Variants in TUBA1A observed in about 807,000 individuals in gnomAD.
TUBA1A encodes tubulin alpha 1a, also known as tubulin alpha-1A chain.
Under a neutral mutation model 34.6 loss-of-function variants are expected in TUBA1A, and 7 were observed. The observed-to-expected ratio is 0.20, with a 90% CI of 0.11 to 0.38. TUBA1A has a LOEUF of 0.38. Among genes scored for constraint, TUBA1A ranks in the 10% least tolerant of loss-of-function variants. The pLI, the probability that TUBA1A is intolerant of heterozygous loss-of-function variation, is 1.00. For missense variants in TUBA1A, 19 were observed against 581.3 expected, an observed-to-expected ratio of 0.03 and a Z score of 9.95; for synonymous variants, 193 against 210.2, an observed-to-expected ratio of 0.92 and a Z score of 0.71.
Position 49,188,481 on chromosome 12 carries a change from C to A in TUBA1A, c.3+496G>T. 1 of 1,534,904 alleles carries A rather than the reference C, an allele frequency of 6.5e-7. No individual in the cohort carries two copies. Among genetic ancestry groups the A allele is most frequent in the Non-Finnish European group, 8.7e-7 (1 of 1,146,074 alleles). Reference sequence around the variant, plus strand: ...CCAAAGACCGCGGAGGGTCTTCCCACGCTAACCCTAGGCTGCGCTTTGTTC... The same window carrying A: ...CCAAAGACCGCGGAGGGTCTTCCCAAGCTAACCCTAGGCTGCGCTTTGTTC... On this transcript the variant is annotated intron_variant, in intron 1 of 3. Coordinates refer to ENST00000301071, the MANE Select transcript of TUBA1A (RefSeq NM_006009.4). The surrounding 1 kb of genome is among the most constrained non-coding windows in gnomAD (Gnocchi z 4.9).
chr12:49,187,625 A>C (rs1293897453), intron 1 of TUBA1A: 16 of 984,692 alleles, frequency 1.6e-5, no homozygotes, highest in South Asian at 4.7e-5. Context: ...AGGTTTTTCC[A>C]GATCTTCTCC....
At chr12:49,187,667 A>AACAC in intron 1 of TUBA1A, 2 of 983,422 alleles carry the variant, frequency 2.0e-6, no homozygotes, top group Non-Finnish European at 2.4e-6. Flanking sequence ...TCCGTATCTT[A>AACAC]ACACACACAC....
At position 49,188,042 on chromosome 12, in the gene TUBA1A, A is replaced by G. The variant is rs1592261111; in HGVS notation, c.3+935T>C. ...CAGACAGACACACACACACACACAC[A>G]CACACTTCAGTCGGTCAGGGCAGGG... is the stretch of plus-strand genomic sequence containing the variant. On this transcript the variant is annotated intron_variant, in intron 1 of 3. Transcript: ENST00000301071. The surrounding 1 kb of genome is among the most constrained non-coding windows in gnomAD (Gnocchi z 4.9). The G allele has an allele frequency of 2.1e-6, 2 of 958,830 alleles. No homozygotes were observed. The highest frequency in any genetic ancestry group is 2.5e-6 in the Non-Finnish European group (2 of 808,826). The allele number at this position is 958,830 out of a possible 1,614,324, so 59.4% of individuals were successfully genotyped here. A position where few individuals can be genotyped will look rare whatever the true frequency, so the allele number is the denominator to read the frequency against.
At position 49,188,917 on chromosome 12, in the gene TUBA1A, G is replaced by A. The variant is rs1026888421; in HGVS notation, c.3+60C>T. On this transcript the variant is annotated intron_variant, in intron 1 of 3. Coordinates refer to ENST00000301071, the MANE Select transcript of TUBA1A (RefSeq NM_006009.4). The surrounding 1 kb of genome is among the most constrained non-coding windows in gnomAD (Gnocchi z 4.9). ...AGAAAAGAGCTTAAAGGTTTTCCAA[G>A]TAGAGCCTGGGGGCGCTGACTCCAC... 1.9e-6 allele frequency: 3 copies of A among 1,614,124 alleles called. No homozygotes were observed. Among genetic ancestry groups the A allele is most frequent in the South Asian group, 1.1e-5 (1 of 91,086 alleles).
Position 49,186,893 on chromosome 12 carries a change from T to C in TUBA1A, c.4-60A>G, listed in dbSNP as rs1031552613. The C allele has an allele frequency of 8.7e-6, 14 of 1,605,114 alleles. No individual in the cohort carries two copies. The highest frequency in any genetic ancestry group is 8.5e-5 in the Admixed American group (5 of 58,906). On this transcript the variant is annotated intron_variant, in intron 1 of 3. Coordinates refer to ENST00000301071, the MANE Select transcript of TUBA1A (RefSeq NM_006009.4). The surrounding 1 kb of genome is among the most constrained non-coding windows in gnomAD (Gnocchi z 6.6). ...AAGGTGTATTAGCATTTCAAACTTA[T>C]AGGAAATTTCAAAAATATTTCTAAT...
chr12:49,185,544 A>G lies in TUBA1A; in HGVS notation c.822T>C (p.Pro274=). The part of the protein sequence containing the change: ...RIHFPLATYA[P]VISAEKAYHE... ...GGTAGGCTTTCTCAGCAGAGATGAC[A>G]GGGGCATATGTGGCCAGAGGGAAGT... The change falls in exon 4 of 4, where the codon CCT becomes CCC. Residue 274 remains proline, a synonymous_variant. Coordinates refer to ENST00000301071, the MANE Select transcript of TUBA1A (RefSeq NM_006009.4). 2 of 1,614,062 alleles carry G rather than the reference A, an allele frequency of 1.2e-6. No homozygotes were observed. The highest frequency in any genetic ancestry group is 1.7e-6 in the Non-Finnish European group (2 of 1,180,004).
intron 1 of TUBA1A, chr12:49,187,088 G>C: frequency 7.4e-7 from 1 of 1,360,528 alleles, no homozygotes; most frequent in Non-Finnish European, 9.4e-7. Flanking sequence ...TACCATGCTT[G>C]AATAGAAGAT....
chr12:49,185,547 G>T lies in TUBA1A; in HGVS notation c.819C>A (p.Ala273=). The part of the protein sequence containing the change: ...PRIHFPLATY[A]PVISAEKAYH... ...AGGCTTTCTCAGCAGAGATGACAGG[G>T]GCATATGTGGCCAGAGGGAAGTGGA... The change falls in exon 4 of 4, where the codon GCC becomes GCA. Residue 273 remains alanine, a synonymous_variant. Coordinates refer to ENST00000301071, the MANE Select transcript of TUBA1A (RefSeq NM_006009.4). The T allele has an allele frequency of 6.2e-7, 1 of 1,614,000 alleles. No homozygotes were observed. Among genetic ancestry groups the T allele is most frequent in the Non-Finnish European group, 8.5e-7 (1 of 1,179,998 alleles).
rs1592260031 is a variant in TUBA1A at position 49,186,001 on chromosome 12, A to C, written c.376-11T>G. On this transcript the variant is annotated splice_polypyrimidine_tract_variant and intron_variant, in intron 3 of 3. Transcript: ENST00000301071. The surrounding 1 kb of genome is among the most constrained non-coding windows in gnomAD (Gnocchi z 6.6). ...CGTGCACTGGTCGGCCTATAACAAA[A>C]GAGAGGAACAGAGGAAAGGTTAAGT... The C allele has an allele frequency of 1.2e-6, 2 of 1,614,154 alleles. No individual in the cohort carries two copies. The highest frequency in any genetic ancestry group is 4.5e-5 in the East Asian group (2 of 44,892).
chr12:49,188,597 G>C lies in TUBA1A; in HGVS notation c.3+380C>G. 6.9e-7 allele frequency: 1 copy of C among 1,449,056 alleles called. No homozygotes were observed. The allele number at this position is 1,449,056 out of a possible 1,614,324, so 89.8% of individuals were successfully genotyped here. A position where few individuals can be genotyped will look rare whatever the true frequency, so the allele number is the denominator to read the frequency against. ...TCCCGGTCCCCAGAGAACAACGCGA[G>C]ACAGAAAGTGGCCCCTCAGCATCAG... On this transcript the variant is annotated intron_variant, in intron 1 of 3. Transcript: ENST00000301071. The surrounding 1 kb of genome is among the most constrained non-coding windows in gnomAD (Gnocchi z 4.9).
At chr12:49,187,742 T>A in intron 1 of TUBA1A, 3 of 983,136 alleles carry the variant, frequency 3.1e-6, no homozygotes, top group Non-Finnish European at 3.6e-6. Flanking sequence ...AAAAGCCCAG[T>A]GGAAGGATAA....
rs1327696631 is a variant in TUBA1A, at chr12:49,188,029, C to T, written c.3+948G>A. The T allele has an allele frequency of 3.9e-5, 37 of 957,860 alleles. No individual in the cohort carries two copies. The highest frequency in any genetic ancestry group is 4.5e-5 in the Non-Finnish European group (36 of 808,038). 59.3% of individuals were successfully genotyped at this position (957,860 alleles called of 1,614,324 possible). A position where few individuals can be genotyped will look rare whatever the true frequency, so the allele number is the denominator to read the frequency against. The stretch of plus-strand genomic sequence containing the variant: ...CAGTCCAGACAGACAGACAGACACA[C>T]ACACACACACACACACACTTCAGTC... On this transcript the variant is annotated intron_variant, in intron 1 of 3. Coordinates refer to ENST00000301071, the MANE Select transcript of TUBA1A (RefSeq NM_006009.4). The surrounding 1 kb of genome is among the most constrained non-coding windows in gnomAD (Gnocchi z 4.9).
intron 1 of TUBA1A, chr12:49,187,873 C>CT: frequency 3.1e-6 from 3 of 956,200 alleles, no homozygotes; most frequent in Non-Finnish European, 3.7e-6. Context: ...TTAGGGCTAC[C>CT]ACTTTCATTG....
In TUBA1A at chr12:49,188,373, C is replaced by G. The variant is rs1181623358; in HGVS notation, c.3+604G>C. On this transcript the variant is annotated intron_variant, in intron 1 of 3. Coordinates refer to ENST00000301071, the MANE Select transcript of TUBA1A (RefSeq NM_006009.4). This position sits in a 1 kb window ranked among gnomAD's most constrained non-coding sequence, Gnocchi z 4.9. ...CCAGAAACAAACAACCCCGCCCCTG[C>G]GCCGCCCTGACACCCGCTGCCGGGG... The G allele has an allele frequency of 6.5e-7, 1 of 1,535,246 alleles. No homozygotes were observed. Among genetic ancestry groups the G allele is most frequent in the Non-Finnish European group, 8.7e-7 (1 of 1,146,446 alleles).
chr12:49,187,953 A>G (rs1413338948), intron 1 of TUBA1A: 4 of 984,370 alleles, frequency 4.1e-6, no homozygotes, highest in Admixed American at 1.2e-4. Flanking sequence ...GGTCCTGACC[A>G]TCAGGGTACC....
Position 49,188,023 on chromosome 12 carries a change from GACAC to G in TUBA1A, c.3+950_3+953del, listed in dbSNP as rs58704368. ...AACGTGCAGTCCAGACAGACAGACA[GACAC>G]ACACACACACACACACACACTTCAG... is the stretch of plus-strand genomic sequence containing the variant. On this transcript the variant is annotated intron_variant, in intron 1 of 3. Transcript: ENST00000301071. This position sits in a 1 kb window ranked among gnomAD's most constrained non-coding sequence, Gnocchi z 4.9. 1,468 of 892,536 alleles carry G rather than the reference GACAC, an allele frequency of 1.6e-3. 12 individuals carry two copies. The South Asian group carries it at 0.043, about 26-fold the overall frequency. The allele number at this position is 892,536 out of a possible 1,614,324, so 55.3% of individuals were successfully genotyped here.
In TUBA1A at chr12:49,188,874, G is replaced by A. The variant is rs35896524; in HGVS notation, c.3+103C>T. 77,784 of 1,612,362 alleles carry A rather than the reference G, an allele frequency of 0.048. 2,275 individuals carry two copies. Among genetic ancestry groups the A allele is most frequent in the Non-Finnish European group, 0.058 (68,001 of 1,179,904 alleles). On this transcript the variant is annotated intron_variant, in intron 1 of 3. Transcript: ENST00000301071. The surrounding 1 kb of genome is among the most constrained non-coding windows in gnomAD (Gnocchi z 4.9). Reference sequence around the variant, plus strand: ...CCTCACAAAACATACCACCACCCTCGCCCAGAGAGCTTACGAAAGAAAAGA... The same window carrying A: ...CCTCACAAAACATACCACCACCCTCACCCAGAGAGCTTACGAAAGAAAAGA...
rs1372484474 is a variant in TUBA1A, at chr12:49,188,960, C to G, written c.3+17G>C. Reference sequence around the variant, plus strand: ...GACTCCACCCAACGGCCACAAAGAGCCGAAGCCGATTCTCACCATGGTTGC... The same window carrying G: ...GACTCCACCCAACGGCCACAAAGAGGCGAAGCCGATTCTCACCATGGTTGC... On this transcript the variant is annotated intron_variant, in intron 1 of 3. Coordinates refer to ENST00000301071, the MANE Select transcript of TUBA1A (RefSeq NM_006009.4). This position sits in a 1 kb window ranked among gnomAD's most constrained non-coding sequence, Gnocchi z 4.9. The G allele has an allele frequency of 3.7e-6, 6 of 1,614,228 alleles. No individual in the cohort carries two copies. The highest frequency in any genetic ancestry group is 5.1e-6 in the Non-Finnish European group (6 of 1,180,048).
intron 1 of TUBA1A, chr12:49,187,786 T>G (rs1942198735): frequency 1.0e-6 from 1 of 984,772 alleles, no homozygotes; most frequent in African/African-American, 1.8e-5. Flanking sequence ...AAATAGTATT[T>G]TCATCCTGAG....
Sources: allele counts gnomAD v4.1 joint callset, GRCh38; gene constraint gnomAD v4.1.1; non-coding constraint Gnocchi (gnomAD v3.1); transcripts MANE v1.5; gene names NCBI Gene and HGNC (gene_info 2026-07-23, HGNC 2026-07-21).